FNDC3B: variants seen among roughly 807,000 people sequenced by gnomAD.
FNDC3B encodes fibronectin type III domain-containing protein 3B.
Under a neutral mutation model 151.5 loss-of-function variants are expected in FNDC3B, and 12 were observed. The observed-to-expected ratio is 0.08, with a 90% CI of 0.05 to 0.13. FNDC3B has a LOEUF of 0.13. Ranked by LOEUF, FNDC3B falls within the 10% of genes least tolerant of loss-of-function variation. The pLI is 1.00. For missense variants in FNDC3B, 1,214 were observed against 1,505.3 expected (o/e 0.81, Z 3.20); for synonymous variants, 528 against 549.0 (o/e 0.96, Z 0.54).
chr3:172,076,503 T>G (rs974640117), intron 1 of FNDC3B, among the ~76,000 whole-genome samples: 1 of 152,230 alleles, frequency 6.6e-6, no homozygotes, highest in Non-Finnish European at 1.5e-5. Flanking sequence ...GCATTTACTC[T>G]CTTCATTGTG....
chr3:172,128,966 C>T (rs1370944037), intron 2 of FNDC3B, among the ~76,000 whole-genome samples: 5 of 152,248 alleles, frequency 3.3e-5, no homozygotes, highest in Admixed American at 6.5e-5. Flanking sequence ...GTACTCTTCT[C>T]CCAGGAGGAG....
intron 3 of FNDC3B, among the ~76,000 whole-genome samples, chr3:172,188,536 G>T (rs1442622197): frequency 6.6e-6 from 1 of 152,010 alleles, no homozygotes; most frequent in Non-Finnish European, 1.5e-5. Context: ...CTCCAGAGTA[G>T]CTGGGACTTC....
intron 6 of FNDC3B, among the ~76,000 whole-genome samples, chr3:172,279,694 C>T (rs1173520205): frequency 2.0e-5 from 3 of 152,166 alleles, no homozygotes; most frequent in Non-Finnish European, 2.9e-5. Context: ...GTTTATTCTT[C>T]GTGTTGTGAT....
intron 3 of FNDC3B, among the ~76,000 whole-genome samples, chr3:172,195,331 A>C (rs754564659): frequency 3.9e-5 from 6 of 152,192 alleles, no homozygotes; most frequent in Admixed American, 1.3e-4. Context: ...TAGTCATTTG[A>C]TATCAATTGC....
intron 6 of FNDC3B, among the ~76,000 whole-genome samples, chr3:172,262,968 G>A: frequency 6.7e-6 from 1 of 148,958 alleles, no homozygotes; most frequent in African/African-American, 2.5e-5. Context: ...CTTTATTGCT[G>A]GGTTAGTATG....
At chr3:172,361,716 T>C (rs1734372734) in intron 22 of FNDC3B, among the ~76,000 whole-genome samples, 1 of 152,222 alleles carries the variant, frequency 6.6e-6, no homozygotes, top group African/African-American at 2.4e-5. Flanking sequence ...TTTTCAGGTA[T>C]CTTTATAGCA....
rs956372789 is a variant in FNDC3B, at chr3:172,271,821, G to A, written c.791-14105G>A. Among the ~76,000 whole-genome samples, 8 of 152,202 alleles carry A rather than the reference G, an allele frequency of 5.3e-5. No individual in the cohort carries two copies. The East Asian group carries it at 9.6e-4, about 18-fold the overall frequency. ...AATTATTGCTGGAGACACCATCCAC[G>A]CATGCAAGCATTCTGTACCGGGTAG... is the stretch of plus-strand genomic sequence containing the variant. On this transcript the variant is annotated intron_variant, in intron 6 of 25. Transcript: ENST00000415807.
chr3:172,377,125 A>G lies in FNDC3B; in HGVS notation c.3009-1145A>G, dbSNP rs534371205. On this transcript the variant is annotated intron_variant, in intron 23 of 25. Transcript: ENST00000415807. Reference sequence around the variant, plus strand: ...GAATACATAAATTCTGCTTACCCCTAGGCCAAATTGGCCCAAGAGTCAGAC... The same window carrying G: ...GAATACATAAATTCTGCTTACCCCTGGGCCAAATTGGCCCAAGAGTCAGAC... Among the ~76,000 whole-genome samples, 19 of 152,370 alleles carry G rather than the reference A, an allele frequency of 1.2e-4. 1 individual carries two copies. The South Asian group carries it at 3.5e-3, about 28-fold the overall frequency.
intron 7 of FNDC3B, among the ~76,000 whole-genome samples, chr3:172,287,954 G>A (rs1730114059): frequency 6.6e-6 from 1 of 152,212 alleles, no homozygotes; most frequent in South Asian, 2.1e-4. Flanking sequence ...CTTGGCTACA[G>A]AAGCACACAG....
In FNDC3B at chr3:172,397,205, C is replaced by G. The variant is rs781537191; in HGVS notation, c.3345C>G (p.Leu1115=). ...AAGCCACATTCCAAATCTCAGGCCT[C>G]CAGACCAACACAGACTACAGGTTCC... The part of the protein sequence containing the change: ...GEEATFQISG[L]QTNTDYRFRV... Residue 1115 remains leucine (L), a synonymous_variant, in exon 26 of 26, where the codon CTC becomes CTG. Coordinates refer to ENST00000415807, the MANE Select transcript of FNDC3B (RefSeq NM_022763.4). The G allele has an allele frequency of 6.2e-7, 1 of 1,613,802 alleles. No individual in the cohort carries two copies. Among genetic ancestry groups the G allele is most frequent in the Admixed American group, 1.7e-5 (1 of 60,004 alleles).
At chr3:172,207,661 C>T (rs1051260080) in intron 3 of FNDC3B, among the ~76,000 whole-genome samples, 1 of 152,164 alleles carries the variant, frequency 6.6e-6, no homozygotes, top group Non-Finnish European at 1.5e-5. Flanking sequence ...CAAGGAGGTT[C>T]TCACTCCCAG....
At position 172,399,507 on chromosome 3, in the gene FNDC3B, G is replaced by T. The variant is rs955006114; in HGVS notation, c.*2032G>T. On this transcript the variant is annotated 3_prime_UTR_variant, in exon 26 of 26. Transcript: ENST00000415807. Reference sequence around the variant, plus strand: ...AATTATTCTGTGTGCCTATATTGACGTAGTGAGTACTAGAGAGTTCTGTAT... The same window carrying T: ...AATTATTCTGTGTGCCTATATTGACTTAGTGAGTACTAGAGAGTTCTGTAT... 1 of 152,556 alleles carries T rather than the reference G, an allele frequency of 6.6e-6. No homozygotes were observed. Among genetic ancestry groups the T allele is most frequent in the East Asian group, 1.9e-4 (1 of 5,202 alleles). The allele number at this position is 152,556 out of a possible 1,614,324, so 9.5% of individuals were successfully genotyped here.
intron 1 of FNDC3B, among the ~76,000 whole-genome samples, chr3:172,093,226 C>T (rs564244385): frequency 1.1e-4 from 17 of 151,112 alleles, no homozygotes; most frequent in African/African-American, 3.7e-4. Flanking sequence ...ACCTCCTGAT[C>T]CTCCCACCTC....
At position 172,335,090 on chromosome 3, in the gene FNDC3B, TTGCTGC is replaced by T; in HGVS notation, c.1780+16_1780+21del. The T allele has an allele frequency of 1.9e-6, 3 of 1,561,516 alleles. No individual in the cohort carries two copies. The highest frequency in any genetic ancestry group is 2.6e-6 in the Non-Finnish European group (3 of 1,158,868). ...GCTTTAGTGTCAAATGGGGTATGTTTTGCTGCTGCTGCTACTGTTTTTTTTTTTTTT... is the reference window on the plus strand; with the variant it reads ...GCTTTAGTGTCAAATGGGGTATGTTTTGCTGCTACTGTTTTTTTTTTTTTT... On this transcript the variant is annotated intron_variant, in intron 15 of 25. Coordinates refer to ENST00000415807, the MANE Select transcript of FNDC3B (RefSeq NM_022763.4).
chr3:172,320,597 G>T (rs1732034376), intron 11 of FNDC3B, among the ~76,000 whole-genome samples: 1 of 152,174 alleles, frequency 6.6e-6, no homozygotes, highest in African/African-American at 2.4e-5. Context: ...AAAAGCAGTT[G>T]AAAATATCAG....
At chr3:172,292,771 A>G (rs914825794) in intron 7 of FNDC3B, among the ~76,000 whole-genome samples, 2 of 152,230 alleles carry the variant, frequency 1.3e-5, no homozygotes, top group Non-Finnish European at 2.9e-5. Flanking sequence ...AAAATAAAAT[A>G]TGATACCCAA....
intron 22 of FNDC3B, among the ~76,000 whole-genome samples, chr3:172,355,428 C>A (rs1202441476): frequency 6.6e-6 from 1 of 152,128 alleles, no homozygotes; most frequent in Admixed American, 6.5e-5. Flanking sequence ...AAGTGTGGTC[C>A]CTGGACCAAC....
intron 3 of FNDC3B, among the ~76,000 whole-genome samples, chr3:172,206,528 G>A (rs77993669): frequency 6.6e-5 from 10 of 151,666 alleles, no homozygotes; most frequent in Admixed American, 6.6e-5. Context: ...GGGTGGTGGC[G>A]GGCGCCTGTA....
At chr3:172,147,285 G>C (rs550648651) in intron 3 of FNDC3B, among the ~76,000 whole-genome samples, 6 of 143,696 alleles carry the variant, frequency 4.2e-5, no homozygotes, top group African/African-American at 1.6e-4. Context: ...CGAGCCTGGC[G>C]ACAGAGTGAG....
Sources: gnomAD v4.1 joint callset for allele counts (sites outside exome capture counted in the v4.1 genomes callset) on GRCh38, gnomAD v4.1.1 for gene constraint, MANE v1.5 for transcripts, NCBI Gene and HGNC (gene_info 2026-07-23, HGNC 2026-07-21) for gene names.